DNAH5: variants seen among roughly 807,000 people sequenced by gnomAD.
DNAH5 encodes the protein axonemal beta dynein heavy chain 5.
DNAH5 carries 372 observed loss-of-function variants against 518.2 expected under a neutral mutation model. The observed-to-expected ratio is 0.72, with a 90% confidence interval of 0.66 to 0.78. The LOEUF is 0.78. Among genes scored for constraint, DNAH5 ranks in the 30% least tolerant of loss-of-function variants. The pLI is 0.00. For missense variants in DNAH5, 5,523 were observed against 5,687.0 expected (o/e 0.97, Z 0.93); for synonymous variants, 2,039 against 2,025.9 (o/e 1.01, Z -0.17).
intron 70 of DNAH5, among the ~76,000 whole-genome samples, chr5:13,726,952 G>A (rs2126561187): frequency 6.6e-6 from 1 of 152,262 alleles, no homozygotes; most frequent in African/African-American, 2.4e-5. Flanking sequence ...GCAAATTAAA[G>A]GTCTTTAAAC....
At chr5:13,760,386 C>T (rs557078261) in intron 60 of DNAH5, among the ~76,000 whole-genome samples, 1 of 152,192 alleles carries the variant, frequency 6.6e-6, no homozygotes, top group Non-Finnish European at 1.5e-5. Flanking sequence ...ACTCCTAGGA[C>T]TTTTTATGAG....
At chr5:13,785,502 T>C (rs546850519) in intron 52 of DNAH5, among the ~76,000 whole-genome samples, 1 of 152,246 alleles carries the variant, frequency 6.6e-6, no homozygotes, top group South Asian at 2.1e-4. Flanking sequence ...TTGTTTCTAA[T>C]CATGGTAAAA....
rs794727887 is a variant in DNAH5 at position 13,717,365 on chromosome 5, C to T, written c.12655G>A (p.Ala4219Thr). Residue 4219 changes from alanine to threonine, a missense_variant, in exon 73 of 79, where the codon GCC becomes ACC. Physicochemically the swap from Ala to Thr is moderately conservative, Grantham distance 58. Around this residue, in one of 3 missense-constraint regions of DNAH5, gnomAD observed 5,121 missense variants for 5,223.3 expected, o/e 0.98. Transcript: ENST00000265104. The part of the protein sequence containing the change: ...PYEFNQADFN[A>T]TVQFIQNHLD... ...TGGTTTTGGATGAACTGCACAGTGG[C>T]ATTAAAGTCCGCTTGGTTAAATTCG... 3 of 1,613,918 alleles carry T rather than the reference C, an allele frequency of 1.9e-6. No homozygotes were observed. Among genetic ancestry groups the T allele is most frequent in the Non-Finnish European group, 2.5e-6 (3 of 1,180,014 alleles).
intron 34 of DNAH5, 60 bp downstream of exon 34, chr5:13,840,846 T>G: frequency 7.4e-6 from 10 of 1,360,356 alleles, no homozygotes; most frequent in Non-Finnish European, 1.0e-5. Flanking sequence ...ACTGGGTAAA[T>G]GCAGATAGTG....
intron 1 of DNAH5, 76 bp from the exon 2 acceptor site, chr5:13,931,320 A>G: frequency 6.3e-7 from 1 of 1,594,764 alleles, no homozygotes. Flanking sequence ...ATTTCATACA[A>G]TTGTTGTTTT....
At chr5:13,837,576 A>T (rs1764566852) in intron 35 of DNAH5, among the ~76,000 whole-genome samples, 1 of 151,830 alleles carries the variant, frequency 6.6e-6, no homozygotes, top group African/African-American at 2.4e-5. Flanking sequence ...AAAAAACATG[A>T]AATAAGGCCT....
rs1263210486 is a variant in DNAH5 at position 13,786,176 on chromosome 5, T to C, written c.8820+3A>G. The C allele has an allele frequency of 1.9e-6, 3 of 1,613,812 alleles. No individual in the cohort carries two copies. Among genetic ancestry groups the C allele is most frequent in the Admixed American group, 1.7e-5 (1 of 59,992 alleles). On this transcript the variant is annotated splice_donor_region_variant and intron_variant, in intron 52 of 78. Coordinates refer to ENST00000265104, the MANE Select transcript of DNAH5 (RefSeq NM_001369.3). ...AAGGCACTACTCAGAGTGGCTACTG[T>C]ACCTTGACTAAGTGAACCATGGCAT...
chr5:13,923,518 G>T, intron 3 of DNAH5, 78 bp from the exon 4 acceptor site: 1 of 1,530,334 alleles, frequency 6.5e-7, no homozygotes, highest in Non-Finnish European at 9.0e-7. Context: ...AAGTTTCCTT[G>T]TTAAAATATT....
Position 13,871,743 on chromosome 5 carries a change from C to T in DNAH5, c.3419G>A (p.Cys1140Tyr). 2 of 1,613,566 alleles carry T rather than the reference C, an allele frequency of 1.2e-6. No individual in the cohort carries two copies. The highest frequency in any genetic ancestry group is 4.5e-5 in the East Asian group (2 of 44,866). ...TKKEVITSMD[C>Y]FKRYNHIWQK... is the part of the protein sequence containing the mutation. ...CCAAATGTGATTGTAGCGTTTGAAGCAATCCATGGATGTAATAACTTCCTG... is the reference window on the plus strand; with the variant it reads ...CCAAATGTGATTGTAGCGTTTGAAGTAATCCATGGATGTAATAACTTCCTG... The change falls in exon 23 of 79, where the codon TGC becomes TAC. Residue 1140 changes from cysteine (C) to tyrosine (Y), a missense_variant. By Grantham distance (194) the Cys-to-Tyr change is radical. This residue lies in a region of DNAH5 where 5,121 missense variants were observed against 5,223.3 expected (regional missense o/e 0.98). Coordinates refer to ENST00000265104, the MANE Select transcript of DNAH5 (RefSeq NM_001369.3).
rs1178766548 is a variant in DNAH5, at chr5:13,792,056, CT to C, written c.8385del (p.Asp2796IlefsTer10). 2 of 1,614,036 alleles carry C rather than the reference CT, an allele frequency of 1.2e-6. No individual in the cohort carries two copies. The highest frequency in any genetic ancestry group is 3.3e-5 in the Admixed American group (2 of 59,978). Reference protein sequence around the residue: ...PAKFHYVFNLRDLSRVWQGML... With the variant: ...PAKFHYVFNLXDLSRVWQGML... The stretch of plus-strand genomic sequence containing the variant: ...ATTCCCTGCCAGACCCGAGAAAGAT[CT>C]CGTAGGTTAAACACATAATGGAATT... On this transcript the variant is annotated frameshift_variant, in exon 50 of 79. Transcript: ENST00000265104. LOFTEE classifies it high-confidence loss of function.
intron 1 of DNAH5, among the ~76,000 whole-genome samples, chr5:13,953,455 A>G (rs1170199982): frequency 6.6e-6 from 1 of 152,198 alleles, no homozygotes; most frequent in East Asian, 1.9e-4. Context: ...GTGGGTTCAA[A>G]CATTCAAATG....
At chr5:13,807,533 G>A (rs1374806463) in intron 47 of DNAH5, 58 bp downstream of exon 47, 4 of 1,544,764 alleles carry the variant, frequency 2.6e-6, no homozygotes, top group African/African-American at 1.4e-5. Flanking sequence ...GTAGAGATTT[G>A]AGCCTCCAAA....
chr5:13,862,366 T>C (rs1272569829), intron 29 of DNAH5, among the ~76,000 whole-genome samples, 182 bp downstream of exon 29: 1 of 152,188 alleles, frequency 6.6e-6, no homozygotes, highest in Admixed American at 6.5e-5. Context: ...TATATATAAG[T>C]GGGTACCTGA....
rs1745935871 is a variant in DNAH5 at position 13,727,653 on chromosome 5, A to G, written c.11887T>C (p.Ser3963Pro). 7.4e-6 allele frequency: 12 copies of G among 1,613,614 alleles called. No individual in the cohort carries two copies. Among genetic ancestry groups the G allele is most frequent in the African/African-American group, 1.3e-5 (1 of 74,916 alleles). The part of the protein sequence containing the change: ...RQFSDVLDQI[S>P]RNEKMWKIWF... ...ATTTTCCACATTTTCTCATTTCTCG[A>G]TATCTGAAAATACCATGGGATAAAA... Residue 3963 changes from serine to proline, a missense_variant, in exon 70 of 79, where the codon TCG (serine) becomes CCG (proline). Coordinates refer to ENST00000265104, the MANE Select transcript of DNAH5 (RefSeq NM_001369.3).
At position 13,766,156 on chromosome 5, in the gene DNAH5, GGCGATGTC is replaced by G; in HGVS notation, c.9913_9920del (p.Asp3305HisfsTer33). 6.2e-7 allele frequency: 1 copy of G among 1,614,200 alleles called. No homozygotes were observed. The highest frequency in any genetic ancestry group is 8.5e-7 in the Non-Finnish European group (1 of 1,180,006). ...GGGGGCGGCCCAACGTGCGAACAGT[GGCGATGTC>G]CGAAGGCCTGATGGTCTGGGGGATG... On this transcript the variant is annotated frameshift_variant, in exon 59 of 79. Transcript: ENST00000265104. LOFTEE classifies it high-confidence loss of function.
chr5:13,793,713 C>T lies in DNAH5; in HGVS notation c.8026G>A (p.Val2676Met). ...CCATTTTGTTCCATCAGCTGTCGCA[C>T]TATCTCATTCGTAACCTACAAAAGA... ...EWGDQVTNEIVRQLMEQNGFY... is the reference protein window; with the variant it reads ...EWGDQVTNEIMRQLMEQNGFY... The change falls in exon 49 of 79, where the codon GTG becomes ATG. Residue 2676 changes from valine to methionine, a missense_variant. Val to Met is a conservative substitution (Grantham distance 21, BLOSUM62 1). Around this residue, in one of 3 missense-constraint regions of DNAH5, gnomAD observed 5,121 missense variants for 5,223.3 expected, o/e 0.98. Transcript: ENST00000265104. 1 of 1,614,062 alleles carries T rather than the reference C, an allele frequency of 6.2e-7. No homozygotes were observed. The highest frequency in any genetic ancestry group is 8.5e-7 in the Non-Finnish European group (1 of 1,180,008).
In DNAH5 at chr5:13,919,306, C is replaced by A; in HGVS notation, c.845G>T (p.Gly282Val). ...CCAGTGCTCCAGCTCCGCTCGTGGC[C>A]CAACGTCATCCGCTTCCTTCAGCAG... ...NQLLKEADDV[G>V]PRAELEHWKK... The change falls in exon 7 of 79, where the codon GGG (glycine) becomes GTG (valine). Residue 282 changes from glycine to valine, a missense_variant. Coordinates refer to ENST00000265104, the MANE Select transcript of DNAH5 (RefSeq NM_001369.3). The A allele has an allele frequency of 6.2e-7, 1 of 1,614,104 alleles. No homozygotes were observed.
chr5:13,760,003 G>A (rs1378762216), intron 60 of DNAH5, among the ~76,000 whole-genome samples: 2 of 152,168 alleles, frequency 1.3e-5, no homozygotes, highest in Non-Finnish European at 2.9e-5. Flanking sequence ...ATGGGCAAAA[G>A]CATCGCTTGT....
At chr5:13,729,160 T>C (rs1028370989) in intron 69 of DNAH5, among the ~76,000 whole-genome samples, 1 of 152,244 alleles carries the variant, frequency 6.6e-6, no homozygotes, top group African/African-American at 2.4e-5. Flanking sequence ...CTATCAGTTT[T>C]TCTACTTGTG....
Sources: allele counts gnomAD v4.1 joint callset (sites outside exome capture counted in the v4.1 genomes callset), GRCh38; gene constraint gnomAD v4.1.1; regional missense constraint gnomAD v4.1.1; transcripts MANE v1.5; gene names NCBI Gene and HGNC (gene_info 2026-07-23, HGNC 2026-07-21).